The following MSH4 variants were observed in gnomAD, a reference collection of about 807,000 sequenced individuals.
MSH4 encodes mutS homolog 4.
Under a neutral mutation model 113.7 loss-of-function variants are expected in MSH4, and 106 were observed. The observed-to-expected ratio is 0.93, with a 90% CI of 0.80 to 1.10. The LOEUF (loss-of-function observed/expected upper bound fraction) is 1.10. Among genes scored for constraint, MSH4 ranks in the 50% least tolerant of loss-of-function variants. The pLI, the probability that MSH4 is intolerant of heterozygous loss-of-function variation, is 0.00. For synonymous variants in MSH4, 368 were observed against 380.2 expected, an observed-to-expected ratio of 0.97 and a Z score of 0.37; for missense variants, 1,061 against 1,093.7, an observed-to-expected ratio of 0.97 and a Z score of 0.42.
At chr1:75,878,696 C>T (rs1160602358) in intron 11 of MSH4, among the ~76,000 whole-genome samples, 1 of 151,938 alleles carries the variant, frequency 6.6e-6, no homozygotes, top group Non-Finnish European at 1.5e-5. Flanking sequence ...TGATGTATGC[C>T]TGTAGTCCCA....
intron 19 of MSH4, among the ~76,000 whole-genome samples, chr1:75,900,449 C>T (rs1652482614): frequency 6.6e-6 from 1 of 151,170 alleles, no homozygotes; most frequent in Admixed American, 6.6e-5. Context: ...TTACAAGCGC[C>T]CACCACCACA....
chr1:75,906,479 A>AT (rs775291285), intron 19 of MSH4, among the ~76,000 whole-genome samples: 17 of 798 alleles, frequency 0.021, no homozygotes, highest in African/African-American at 0.023. Context: ...TATATATAAT[A>AT]TATACATATT....
At chr1:75,817,580 T>C (rs761317236) in intron 6 of MSH4, among the ~76,000 whole-genome samples, 4 of 152,174 alleles carry the variant, frequency 2.6e-5, no homozygotes, top group Non-Finnish European at 5.9e-5. Context: ...GGAGTTAGTA[T>C]TATAGTTGAA....
At chr1:75,907,959 C>T (rs1652704785) in intron 19 of MSH4, among the ~76,000 whole-genome samples, 2 of 150,046 alleles carry the variant, frequency 1.3e-5, no homozygotes, top group African/African-American at 4.9e-5. Context: ...ATCTGCCTGC[C>T]TCAGTCTCCC....
intron 17 of MSH4, among the ~76,000 whole-genome samples, chr1:75,891,805 T>A (rs1652263857): frequency 1.3e-5 from 2 of 152,200 alleles, no homozygotes; most frequent in African/African-American, 4.8e-5. Context: ...CTTAAAAGTA[T>A]GTGATAAATC....
At chr1:75,817,630 G>T (rs1650320455) in intron 6 of MSH4, among the ~76,000 whole-genome samples, 1 of 152,144 alleles carries the variant, frequency 6.6e-6, no homozygotes, top group Admixed American at 6.5e-5. Flanking sequence ...TTAAATGAAA[G>T]AATCCTCAGG....
chr1:75,833,727 C>G (rs557766930), intron 7 of MSH4, among the ~76,000 whole-genome samples: 11 of 152,230 alleles, frequency 7.2e-5, no homozygotes, highest in African/African-American at 2.6e-4. Context: ...AACTGGCTAG[C>G]CATACGTAGA....
At chr1:75,833,182 A>G (rs1435885084) in intron 7 of MSH4, among the ~76,000 whole-genome samples, 1 of 152,200 alleles carries the variant, frequency 6.6e-6, no homozygotes, top group Non-Finnish European at 1.5e-5. Context: ...ACTCCCATTC[A>G]CAGTTGCTTC....
rs1412797174 is a variant in MSH4, at chr1:75,885,967, G to A, written c.2107+2146G>A. ...TATAATATATATGATGTATTATATA[G>A]CATGTATAGTATATATGATGTATTA... On this transcript the variant is annotated intron_variant, in intron 15 of 19. Coordinates refer to ENST00000263187, the MANE Select transcript of MSH4 (RefSeq NM_002440.4). Among the ~76,000 whole-genome samples the A allele has an allele frequency of 2.0e-4, 20 of 100,778 alleles. 3 individuals are homozygous for A. The highest frequency in any genetic ancestry group is 4.5e-4 in the African/African-American group (11 of 24,268). 66.1% of individuals were successfully genotyped at this position (100,778 alleles called of 152,430 possible).
At position 75,897,990 on chromosome 1, in the gene MSH4, A is replaced by G; in HGVS notation, c.2439A>G (p.Glu813=). Residue 813 remains glutamate (E), a synonymous_variant, in exon 18 of 20, where the codon GAA becomes GAG. Transcript: ENST00000263187. ...LYPNVENMHF[E]VQHVKNTSRN... is the part of the protein sequence containing the mutation. ...CTAATGTAGAAAACATGCATTTTGA[A>G]GTTCAACATGTAAAGAATACCTCAA... is the stretch of plus-strand genomic sequence containing the variant. 1 of 1,607,894 alleles carries G rather than the reference A, an allele frequency of 6.2e-7. No individual in the cohort carries two copies. Among genetic ancestry groups the G allele is most frequent in the Non-Finnish European group, 8.5e-7 (1 of 1,176,510 alleles).
intron 4 of MSH4, among the ~76,000 whole-genome samples, chr1:75,813,081 G>T (rs1235848377): frequency 6.6e-6 from 1 of 152,134 alleles, no homozygotes; most frequent in Non-Finnish European, 1.5e-5. Flanking sequence ...TTAAGAAGAT[G>T]ATTGCTAATG....
intron 14 of MSH4, among the ~76,000 whole-genome samples, chr1:75,882,517 C>G (rs988179828): frequency 2.0e-5 from 3 of 151,944 alleles, no homozygotes; most frequent in African/African-American, 4.8e-5. Flanking sequence ...TCTCTATTCT[C>G]ATTCTCTGAA....
chr1:75,844,756 T>C (rs1036768734), intron 7 of MSH4, among the ~76,000 whole-genome samples: 2 of 152,204 alleles, frequency 1.3e-5, no homozygotes, highest in African/African-American at 2.4e-5. Flanking sequence ...AAATAAGTTT[T>C]TGAGTGGTGG....
intron 11 of MSH4, 101 bp from the exon 12 acceptor site, chr1:75,878,891 A>G: frequency 9.5e-7 from 1 of 1,054,246 alleles, no homozygotes; most frequent in South Asian, 1.7e-5. Flanking sequence ...TGTATAAAAT[A>G]AGAATTTAAA....
intron 18 of MSH4, among the ~76,000 whole-genome samples, 176 bp downstream of exon 18, chr1:75,898,257 A>G (rs1451822115): frequency 6.6e-6 from 1 of 151,642 alleles, no homozygotes; most frequent in Non-Finnish European, 1.5e-5. Flanking sequence ...ATATCTAGAT[A>G]TAGATATATA....
At chr1:75,874,837 A>G (rs1290373458) in intron 9 of MSH4, among the ~76,000 whole-genome samples, 2 of 152,158 alleles carry the variant, frequency 1.3e-5, no homozygotes, top group Admixed American at 1.3e-4. Flanking sequence ...AATATGCAAA[A>G]TGCATACTTT....
chr1:75,831,668 C>T (rs1051128948), intron 7 of MSH4, among the ~76,000 whole-genome samples: 10 of 152,184 alleles, frequency 6.6e-5, no homozygotes, highest in African/African-American at 2.4e-4. Context: ...AACTGAACAA[C>T]CTGCTCCTGA....
At chr1:75,851,584 A>G (rs143650486) in intron 8 of MSH4, among the ~76,000 whole-genome samples, 1 of 152,030 alleles carries the variant, frequency 6.6e-6, no homozygotes, top group African/African-American at 2.4e-5. Flanking sequence ...TAACTTTGGT[A>G]TTTTTAGTAC....
At chr1:75,879,980 G>T in intron 12 of MSH4, 70 bp from the exon 13 acceptor site, 1 of 753,872 alleles carries the variant, frequency 1.3e-6, no homozygotes, top group East Asian at 2.6e-5. Flanking sequence ...CCATATTTCT[G>T]TTGTTTAAAA....
Sources: allele counts gnomAD v4.1 joint callset (sites outside exome capture counted in the v4.1 genomes callset), GRCh38; gene constraint gnomAD v4.1.1; transcripts MANE v1.5; gene names NCBI Gene and HGNC (gene_info 2026-07-23, HGNC 2026-07-21).